GPHN: variants seen among roughly 807,000 people sequenced by gnomAD.
The protein encoded by GPHN is gephyrin.
GPHN carries 17 observed loss-of-function variants against 95.5 expected under a neutral mutation model. The ratio of observed to expected loss-of-function variants is 0.18; its 90% CI spans 0.12 to 0.27. The LOEUF (loss-of-function observed/expected upper bound fraction) is 0.27. GPHN is among the 10% of genes least tolerant of loss of function. The pLI, the probability that GPHN is intolerant of heterozygous loss-of-function variation, is 1.00. For synonymous variants in GPHN, 320 were observed against 322.5 expected (o/e 0.99, Z 0.08); for missense variants, 660 against 978.1 (o/e 0.67, Z 4.34).
intron 1 of GPHN, among the ~76,000 whole-genome samples, chr14:66,668,515 G>C (rs1205025908): frequency 1.3e-5 from 2 of 152,152 alleles, no homozygotes; most frequent in Non-Finnish European, 2.9e-5. Context: ...ATTATCCTTA[G>C]CAAAGTAACA....
the GPHN span, chr14:67,454,281 T>A: frequency 6.6e-6 from 1 of 152,276 alleles, no homozygotes; most frequent in Non-Finnish European, 1.5e-5. Flanking sequence ...GCTGACATGC[T>A]TGTTCATGCT....
At chr14:67,421,768 G>A in the GPHN span, among the ~76,000 whole-genome samples, 2 of 152,076 alleles carry the variant, frequency 1.3e-5, no homozygotes, top group East Asian at 3.9e-4. Context: ...CTCTGAAATG[G>A]ACCTAGGCTA....
the GPHN span, among the ~76,000 whole-genome samples, chr14:67,330,482 G>T: frequency 1.4e-5 from 2 of 141,192 alleles, no homozygotes; most frequent in Admixed American, 7.3e-5. Flanking sequence ...TTTTGAGATG[G>T]GGTTTCGCTC....
chr14:66,546,514 A>G (rs1389897142), intron 1 of GPHN, among the ~76,000 whole-genome samples: 1 of 152,214 alleles, frequency 6.6e-6, no homozygotes, highest in Non-Finnish European at 1.5e-5. Context: ...TCCATCTGCA[A>G]TCCCGGCACC....
chr14:66,692,763 G>T (rs146755764), intron 2 of GPHN, among the ~76,000 whole-genome samples: 21 of 152,164 alleles, frequency 1.4e-4, no homozygotes, highest in African/African-American at 5.1e-4. Context: ...TTGTATTGTT[G>T]TTATGAAATA....
intron 1 of GPHN, among the ~76,000 whole-genome samples, chr14:66,565,456 A>C (rs28724292): frequency 7.2e-5 from 11 of 151,776 alleles, no homozygotes. Context: ...GCACCACCAC[A>C]CCCAGCTAAT....
chr14:67,113,280 A>G (rs1366644040), intron 16 of GPHN, 109 bp downstream of exon 16: 4 of 1,011,006 alleles, frequency 4.0e-6, no homozygotes, highest in African/African-American at 1.6e-5. Context: ...AGATCATACC[A>G]GTGGATCCAC....
chr14:66,730,745 A>T (rs1774346548), intron 2 of GPHN, among the ~76,000 whole-genome samples: 1 of 152,224 alleles, frequency 6.6e-6, no homozygotes, highest in Non-Finnish European at 1.5e-5. Flanking sequence ...CTTGAGAGGA[A>T]TATTTAATGG....
chr14:66,639,689 G>A (rs1313030424), intron 1 of GPHN, among the ~76,000 whole-genome samples: 1 of 151,434 alleles, frequency 6.6e-6, no homozygotes, highest in Non-Finnish European at 1.5e-5. Context: ...AAAAGGCAGA[G>A]GCAAGAGAAT....
chr14:66,611,209 T>G (rs1008016581), intron 1 of GPHN, among the ~76,000 whole-genome samples: 26 of 152,124 alleles, frequency 1.7e-4, no homozygotes, highest in Middle Eastern at 3.2e-3. Flanking sequence ...AGTTACATGT[T>G]TCCCTCTTTT....
the GPHN span, chr14:67,387,219 G>A: frequency 2.0e-6 from 2 of 1,024,994 alleles, no homozygotes; most frequent in Non-Finnish European, 2.8e-6. Flanking sequence ...ACTCTCCAAA[G>A]CAGTACAAAA....
At chr14:66,980,591 T>C (rs911234505) in intron 9 of GPHN, among the ~76,000 whole-genome samples, 1 of 152,122 alleles carries the variant, frequency 6.6e-6, no homozygotes, top group Non-Finnish European at 1.5e-5. Flanking sequence ...TATATAAAGG[T>C]CTAATTTTAT....
At chr14:66,658,067 C>T (rs8011027) in intron 1 of GPHN, among the ~76,000 whole-genome samples, 49,787 of 151,930 alleles carry the variant, frequency 0.33, 12,002 homozygotes, top group African/African-American at 0.66. Context: ...GTTCAAAATA[C>T]CAGCATTAAT....
At chr14:67,602,752 C>T in the GPHN span, among the ~76,000 whole-genome samples, 1 of 152,204 alleles carries the variant, frequency 6.6e-6, no homozygotes, top group Non-Finnish European at 1.5e-5. Context: ...CAGATATTTT[C>T]TTTTCACAAT....
At chr14:66,740,514 C>T (rs1425992486) in intron 2 of GPHN, among the ~76,000 whole-genome samples, 1 of 150,998 alleles carries the variant, frequency 6.6e-6, no homozygotes, top group Non-Finnish European at 1.5e-5. Context: ...CTTTGTATTT[C>T]CCAGTTGTTT....
At chr14:67,667,379 C>A in the GPHN span, among the ~76,000 whole-genome samples, 4 of 152,120 alleles carry the variant, frequency 2.6e-5, no homozygotes, top group African/African-American at 4.8e-5. Flanking sequence ...TTTATTTGTA[C>A]ACCGTGACAG....
chr14:66,911,669 A>G (rs1368930918), intron 5 of GPHN, among the ~76,000 whole-genome samples: 4 of 151,928 alleles, frequency 2.6e-5, no homozygotes, highest in Non-Finnish European at 5.9e-5. Flanking sequence ...AAATTTTAAG[A>G]GAAGCAATAT....
chr14:67,371,652 G>T, the GPHN span, among the ~76,000 whole-genome samples: 1 of 151,954 alleles, frequency 6.6e-6, no homozygotes, highest in Non-Finnish European at 1.5e-5. Flanking sequence ...GTAACACAAT[G>T]GTAAATATTT....
the GPHN span, among the ~76,000 whole-genome samples, chr14:67,244,018 G>T: frequency 2.0e-5 from 3 of 152,268 alleles, no homozygotes; most frequent in Non-Finnish European, 2.9e-5. Flanking sequence ...TCTAAATTCA[G>T]TGCTCTTCTC....
Sources: allele counts gnomAD v4.1 joint callset (sites outside exome capture counted in the v4.1 genomes callset), GRCh38; gene constraint gnomAD v4.1.1; transcripts MANE v1.5; gene names NCBI Gene and HGNC (gene_info 2026-07-23, HGNC 2026-07-21).